SDAD1: variants seen among roughly 807,000 people sequenced by gnomAD.
SDAD1 encodes the protein SDA1 domain containing 1, also known as protein SDA1 homolog.
Under a neutral mutation model 100.3 loss-of-function variants are expected in SDAD1, and 79 were observed. The ratio of observed to expected loss-of-function variants is 0.79; its 90% CI spans 0.66 to 0.95. The LOEUF is 0.95. Ranked by LOEUF, SDAD1 falls within the 40% of genes least tolerant of loss-of-function variation. The pLI, the probability that SDAD1 is intolerant of heterozygous loss-of-function variation, is 0.00. For synonymous variants in SDAD1, 267 were observed against 271.4 expected (o/e 0.98, Z 0.16); for missense variants, 790 against 810.9 (o/e 0.97, Z 0.31).
At chr4:75,985,025 C>T (rs79563008) in intron 1 of SDAD1, among the ~76,000 whole-genome samples, 1,677 of 152,210 alleles carry the variant, frequency 0.011, 28 homozygotes, top group African/African-American at 0.037. Flanking sequence ...TCTCTTGACC[C>T]GACACCTCCA....
intron 17 of SDAD1, among the ~76,000 whole-genome samples, chr4:75,958,667 A>G (rs1729043876): frequency 6.6e-6 from 1 of 152,074 alleles, no homozygotes; most frequent in Non-Finnish European, 1.5e-5. Context: ...TCCATCTTGT[A>G]TCCTACATTC....
chr4:75,954,265 C>A (rs1204400021), intron 21 of SDAD1, among the ~76,000 whole-genome samples: 2 of 151,976 alleles, frequency 1.3e-5, no homozygotes, highest in Non-Finnish European at 2.9e-5. Context: ...ACCTGTAGTC[C>A]CAGCTACTTG....
intron 6 of SDAD1, among the ~76,000 whole-genome samples, chr4:75,974,907 TG>T (rs1379103349): frequency 6.8e-6 from 1 of 146,612 alleles, no homozygotes; most frequent in Non-Finnish European, 1.5e-5. Context: ...CCGAGCATGG[TG>T]GTGCATGCCT....
intron 20 of SDAD1, among the ~76,000 whole-genome samples, chr4:75,956,542 G>A (rs537010920): frequency 6.6e-6 from 1 of 152,128 alleles, no homozygotes; most frequent in South Asian, 2.1e-4. Flanking sequence ...AGGATGAGGT[G>A]GAACTAGGAG....
At chr4:75,972,766 T>A (rs940709103) in intron 8 of SDAD1, among the ~76,000 whole-genome samples, 2 of 151,718 alleles carry the variant, frequency 1.3e-5, no homozygotes, top group Admixed American at 1.3e-4. Flanking sequence ...TCACGTCTGT[T>A]ATCCCAGCAC....
At chr4:75,969,992 T>C (rs1335094549) in intron 10 of SDAD1, among the ~76,000 whole-genome samples, 6 of 152,000 alleles carry the variant, frequency 3.9e-5, no homozygotes, top group Non-Finnish European at 8.8e-5. Context: ...GACTAGGTTT[T>C]TTTTTTTTTT....
chr4:75,978,386 T>G (rs950043830), intron 3 of SDAD1, among the ~76,000 whole-genome samples: 5 of 150,344 alleles, frequency 3.3e-5, no homozygotes, highest in Non-Finnish European at 7.4e-5. Flanking sequence ...TTTTAAGAGA[T>G]AGAGTCTCAT....
chr4:75,960,424 G>A (rs533777322), intron 16 of SDAD1, among the ~76,000 whole-genome samples: 4 of 152,096 alleles, frequency 2.6e-5, no homozygotes, highest in South Asian at 2.1e-4. Context: ...CTACAGGCAC[G>A]CACCACCACA....
chr4:75,973,263 T>C, intron 8 of SDAD1, 54 bp downstream of exon 8: 1 of 1,388,002 alleles, frequency 7.2e-7, no homozygotes, highest in Non-Finnish European at 1.0e-6. Context: ...TTACAATGTG[T>C]ACTCAGAGCA....
intron 14 of SDAD1, among the ~76,000 whole-genome samples, chr4:75,963,179 T>C (rs1729345000): frequency 6.6e-6 from 1 of 152,184 alleles, no homozygotes; most frequent in Non-Finnish European, 1.5e-5. Flanking sequence ...TTTTGTCAGG[T>C]TTGTCAAAGA....
At position 75,965,831 on chromosome 4, in the gene SDAD1, A is replaced by G. The variant is rs1395658432; in HGVS notation, c.1046-9T>C. ...AAGGATCTTGGTTACTTCTGAAAAC[A>G]TAAGAGAACAGAAAGGTCATGGTCA... On this transcript the variant is annotated splice_polypyrimidine_tract_variant and intron_variant, in intron 12 of 21. Transcript: ENST00000356260. 2.5e-6 allele frequency: 4 copies of G among 1,612,454 alleles called. No individual in the cohort carries two copies. The highest frequency in any genetic ancestry group is 2.5e-6 in the Non-Finnish European group (3 of 1,178,988).
chr4:75,982,069 T>C (rs930182863), intron 1 of SDAD1, 32 bp from the exon 2 acceptor site: 8 of 1,344,648 alleles, frequency 5.9e-6, no homozygotes, highest in African/African-American at 5.8e-5. Flanking sequence ...GTTTGTCACA[T>C]TGTATTACAT....
intron 6 of SDAD1, 140 bp from the exon 7 acceptor site, chr4:75,974,273 G>C: frequency 1.0e-5 from 7 of 696,474 alleles, no homozygotes; most frequent in Admixed American, 2.4e-5. Context: ...AAAAAGATAC[G>C]AGTTGCTAAA....
rs749421773 is a variant in SDAD1, at chr4:75,956,186, A to C, written c.1855-50T>G. ...TTCTTCTTCAACAACATACTTTAGG[A>C]GTCATCTAATCAACATTAATGTCTC... is the stretch of plus-strand genomic sequence containing the variant. On this transcript the variant is annotated intron_variant, in intron 20 of 21. Coordinates refer to ENST00000356260, the MANE Select transcript of SDAD1 (RefSeq NM_018115.4). The C allele has an allele frequency of 2.6e-6, 4 of 1,551,118 alleles. No individual in the cohort carries two copies. The African/African-American group carries it at 4.1e-5, about 16-fold the overall frequency.
chr4:75,957,743 C>G (rs370947626), intron 18 of SDAD1, 35 bp from the exon 19 acceptor site: 2 of 1,613,208 alleles, frequency 1.2e-6, no homozygotes, highest in Non-Finnish European at 1.7e-6. Context: ...TGGCTACCAG[C>G]TCAAGTGAGA....
At chr4:75,974,557 A>G (rs1730050663) in intron 6 of SDAD1, among the ~76,000 whole-genome samples, 1 of 152,014 alleles carries the variant, frequency 6.6e-6, no homozygotes, top group East Asian at 1.9e-4. Flanking sequence ...CTCTACACAA[A>G]ATACAAAAAA....
chr4:75,962,098 T>C (rs889997736), intron 14 of SDAD1, among the ~76,000 whole-genome samples: 1 of 152,186 alleles, frequency 6.6e-6, no homozygotes, highest in African/African-American at 2.4e-5. Context: ...CCATCCTGTG[T>C]CCAAGTGTTC....
At chr4:75,988,053 C>A in intron 1 of SDAD1, among the ~76,000 whole-genome samples, 1 of 152,128 alleles carries the variant, frequency 6.6e-6, no homozygotes, top group East Asian at 1.9e-4. Context: ...AGGATCTAAT[C>A]ACCCTTCTTA....
At chr4:75,957,259 G>T in intron 20 of SDAD1, 66 bp downstream of exon 20, 1 of 1,374,592 alleles carries the variant, frequency 7.3e-7, no homozygotes. Context: ...GGCTATACAA[G>T]TTCTGGCTTA....
Sources: gnomAD v4.1 joint callset for allele counts (sites outside exome capture counted in the v4.1 genomes callset) on GRCh38, gnomAD v4.1.1 for gene constraint, MANE v1.5 for transcripts, NCBI Gene and HGNC (gene_info 2026-07-23, HGNC 2026-07-21) for gene names.